The following SPAG16 variants were observed in gnomAD, a reference collection of about 807,000 sequenced individuals.
SPAG16 encodes sperm-associated antigen 16 protein.
A neutral mutation model predicts 80.4 loss-of-function variants in SPAG16; 86 were observed. The ratio of observed to expected loss-of-function variants is 1.07; its 90% CI spans 0.90 to 1.28. The LOEUF (loss-of-function observed/expected upper bound fraction) is 1.28. Among genes scored for constraint, SPAG16 ranks in the 50% most tolerant of loss-of-function variants. The pLI is 0.00. For missense variants in SPAG16, 870 were observed against 765.3 expected, an observed-to-expected ratio of 1.14 and a Z score of -1.61; for synonymous variants, 294 against 265.9, an observed-to-expected ratio of 1.11 and a Z score of -1.03.
intron 10 of SPAG16, among the ~76,000 whole-genome samples, chr2:213,740,907 C>T (rs2067520107): frequency 6.6e-6 from 1 of 152,196 alleles, no homozygotes; most frequent in Non-Finnish European, 1.5e-5. Flanking sequence ...ATAGAAACCA[C>T]TTTCAAACAG....
chr2:213,403,297 G>T (rs1395207023), intron 9 of SPAG16, among the ~76,000 whole-genome samples: 1 of 151,820 alleles, frequency 6.6e-6, no homozygotes, highest in East Asian at 1.9e-4. Context: ...TTGTAAATTT[G>T]TTTGAGTTCA....
At chr2:213,714,500 A>C (rs2066146134) in intron 10 of SPAG16, among the ~76,000 whole-genome samples, 1 of 152,166 alleles carries the variant, frequency 6.6e-6, no homozygotes, top group Non-Finnish European at 1.5e-5. Context: ...TTTACAGTTG[A>C]ACAAAATTGG....
intron 10 of SPAG16, among the ~76,000 whole-genome samples, chr2:213,502,048 T>C (rs1216282081): frequency 6.6e-6 from 1 of 152,222 alleles, no homozygotes; most frequent in African/African-American, 2.4e-5. Context: ...TTTTTTAATT[T>C]AAATAGTGGC....
intron 14 of SPAG16, among the ~76,000 whole-genome samples, chr2:214,134,233 T>C (rs527324211): frequency 2.0e-5 from 3 of 152,300 alleles, no homozygotes; most frequent in Non-Finnish European, 4.4e-5. Flanking sequence ...ACTGGCCTAT[T>C]TACTGTTAGC....
intron 10 of SPAG16, among the ~76,000 whole-genome samples, chr2:213,573,017 C>T (rs1182210217): frequency 6.6e-6 from 1 of 152,166 alleles, no homozygotes; most frequent in Non-Finnish European, 1.5e-5. Flanking sequence ...GCGTCCATCA[C>T]CCCTTTCTTT....
At chr2:213,875,747 T>C (rs1431238495) in intron 11 of SPAG16, among the ~76,000 whole-genome samples, 2 of 152,116 alleles carry the variant, frequency 1.3e-5, no homozygotes, top group African/African-American at 4.8e-5. Flanking sequence ...GTAGCTTACA[T>C]TTATTCTCTA....
At chr2:214,240,654 C>G (rs1283899701) in intron 15 of SPAG16, 1 of 152,160 alleles carries the variant, frequency 6.6e-6, no homozygotes, top group Admixed American at 6.5e-5. Flanking sequence ...ATACAATCTA[C>G]TTCAGATAAT....
At chr2:213,846,635 AC>A (rs1203404092) in intron 10 of SPAG16, among the ~76,000 whole-genome samples, 3 of 152,152 alleles carry the variant, frequency 2.0e-5, no homozygotes, top group South Asian at 2.1e-4. Context: ...ATACAGTGAG[AC>A]CCCTTTATCT....
At chr2:213,376,270 T>C (rs1213661330) in intron 9 of SPAG16, among the ~76,000 whole-genome samples, 1 of 151,986 alleles carries the variant, frequency 6.6e-6, no homozygotes, top group African/African-American at 2.4e-5. Context: ...TAAGTCATAC[T>C]TAGAAGTGAT....
Position 213,545,742 on chromosome 2 carries a change from C to G in SPAG16, c.1070+55652C>G, listed in dbSNP as rs952834663. Among the ~76,000 whole-genome samples the G allele has an allele frequency of 2.0e-5, 3 of 152,106 alleles. No individual in the cohort carries two copies. The South Asian group carries it at 6.2e-4, about 32-fold the overall frequency. ...AGGTTTTCCTTTATTGTTTGGTGAT[C>G]ATTGTCTCACCATTATGTCTAAGAA... On this transcript the variant is annotated intron_variant, in intron 10 of 15. Coordinates refer to ENST00000331683, the MANE Select transcript of SPAG16 (RefSeq NM_024532.5).
intron 13 of SPAG16, among the ~76,000 whole-genome samples, chr2:214,014,712 A>G (rs2047497650): frequency 6.6e-6 from 1 of 152,248 alleles, no homozygotes; most frequent in Admixed American, 6.5e-5. Context: ...ATGATAGGCA[A>G]GAATGTACAG....
At chr2:214,040,465 G>A (rs1217234492) in intron 13 of SPAG16, among the ~76,000 whole-genome samples, 1 of 151,972 alleles carries the variant, frequency 6.6e-6, no homozygotes, top group Non-Finnish European at 1.5e-5. Context: ...AAAATCCCCG[G>A]TGTGTATTGT....
chr2:214,203,798 A>G (rs2058073543), intron 15 of SPAG16, among the ~76,000 whole-genome samples: 1 of 152,186 alleles, frequency 6.6e-6, no homozygotes. Flanking sequence ...AACAATTTCA[A>G]CCAAAGTTTC....
chr2:213,489,097 A>G (rs1026348261), intron 9 of SPAG16, among the ~76,000 whole-genome samples: 1 of 151,706 alleles, frequency 6.6e-6, no homozygotes, highest in Non-Finnish European at 1.5e-5. Context: ...AAAAAAAAAA[A>G]GATTTTTCAT....
chr2:214,378,710 C>T (rs1700275266), intron 15 of SPAG16, among the ~76,000 whole-genome samples: 1 of 152,160 alleles, frequency 6.6e-6, no homozygotes, highest in African/African-American at 2.4e-5. Flanking sequence ...GGGGTATATG[C>T]CAGACAGAAT....
chr2:213,321,427 G>A (rs1408627461), intron 5 of SPAG16, among the ~76,000 whole-genome samples: 1 of 152,050 alleles, frequency 6.6e-6, no homozygotes, highest in African/African-American at 2.4e-5. Flanking sequence ...ATGGAATAAT[G>A]TGATAATTAA....
intron 12 of SPAG16, among the ~76,000 whole-genome samples, chr2:213,942,166 C>T (rs984415895): frequency 6.6e-6 from 1 of 152,108 alleles, no homozygotes; most frequent in African/African-American, 2.4e-5. Flanking sequence ...TGTCAAAACC[C>T]CAACTCTGGT....
intron 5 of SPAG16, among the ~76,000 whole-genome samples, chr2:213,328,933 G>A (rs2063960334): frequency 6.6e-6 from 1 of 152,106 alleles, no homozygotes; most frequent in Admixed American, 6.5e-5. Context: ...TCTCCTGATA[G>A]GGAATAATAA....
At position 213,800,312 on chromosome 2, in the gene SPAG16, T is replaced by TTCCCTCCC. The variant is rs71397194; in HGVS notation, c.1071-62158_1071-62151dup. 1.5e-4 allele frequency among the ~76,000 whole-genome samples: 22 copies of TTCCCTCCC among 142,632 alleles called. 1 individual carries two copies. Among genetic ancestry groups the TTCCCTCCC allele is most frequent in the African/African-American group, 4.0e-4 (15 of 37,144 alleles). The allele number at this position is 142,632 out of a possible 152,430, so 93.6% of individuals were successfully genotyped here. Reference sequence around the variant, plus strand: ...TCCCTATATTTCCCTCCCTTTCTCCTTCCCTCCCTCCCTCCCTCCCTCTCT... The same window carrying TTCCCTCCC: ...TCCCTATATTTCCCTCCCTTTCTCCTTCCCTCCCTCCCTCCCTCCCTCCCTCCCTCTCT... On this transcript the variant is annotated intron_variant, in intron 10 of 15. Coordinates refer to ENST00000331683, the MANE Select transcript of SPAG16 (RefSeq NM_024532.5).
Sources: gnomAD v4.1 joint callset for allele counts (sites outside exome capture counted in the v4.1 genomes callset) on GRCh38, gnomAD v4.1.1 for gene constraint, MANE v1.5 for transcripts, NCBI Gene and HGNC (gene_info 2026-07-23, HGNC 2026-07-21) for gene names.